ANTXR2: variants seen among roughly 807,000 people sequenced by gnomAD.
ANTXR2 encodes the protein anthrax toxin receptor 2.
A neutral mutation model predicts 73.7 loss-of-function variants in ANTXR2; 44 were observed. The ratio of observed to expected loss-of-function variants is 0.60; its 90% CI spans 0.47 to 0.77. The LOEUF (loss-of-function observed/expected upper bound fraction) is 0.77. ANTXR2 is among the 30% of genes least tolerant of loss of function. The probability of loss-of-function intolerance (pLI) is 0.00; values close to 1 mark genes in which losing one functional copy is unlikely to be tolerated. For synonymous variants in ANTXR2, 217 were observed against 205.9 expected (o/e 1.05, Z -0.46); for missense variants, 604 against 592.5 (o/e 1.02, Z -0.20).
intron 16 of ANTXR2, among the ~76,000 whole-genome samples, chr4:79,943,635 A>G (rs1173696787): frequency 1.1e-4 from 13 of 122,646 alleles, no homozygotes; most frequent in Non-Finnish European, 2.2e-4. Flanking sequence ...ACCTAATGCT[A>G]GATGACACAT....
intron 3 of ANTXR2, among the ~76,000 whole-genome samples, chr4:80,060,261 G>T (rs1342814612): frequency 6.6e-6 from 1 of 152,118 alleles, no homozygotes; most frequent in Non-Finnish European, 1.5e-5. Flanking sequence ...AGCTCTTCTG[G>T]ACTCTATTTG....
At chr4:79,981,111 A>G (rs1323715240) in intron 14 of ANTXR2, among the ~76,000 whole-genome samples, 2 of 152,170 alleles carry the variant, frequency 1.3e-5, no homozygotes, top group Non-Finnish European at 2.9e-5. Context: ...CATCCACTCC[A>G]GATTTCTTAA....
intron 7 of ANTXR2, among the ~76,000 whole-genome samples, chr4:80,041,460 TTTTTAA>T (rs977212290): frequency 3.3e-5 from 5 of 152,060 alleles, no homozygotes; most frequent in African/African-American, 1.2e-4. Context: ...TCAAAATTTT[TTTTTAA>T]TTTTAATTTT....
intron 12 of ANTXR2, among the ~76,000 whole-genome samples, chr4:80,001,707 G>A (rs1213080652): frequency 6.6e-6 from 1 of 150,920 alleles, no homozygotes; most frequent in Non-Finnish European, 1.5e-5. Context: ...GGTCACTCAG[G>A]ACTTGCTTTA....
chr4:80,064,820 A>T (rs1279320767), intron 3 of ANTXR2, among the ~76,000 whole-genome samples: 1 of 152,230 alleles, frequency 6.6e-6, no homozygotes, highest in Non-Finnish European at 1.5e-5. Flanking sequence ...ATGATGTTGC[A>T]GGAGAGGACT....
chr4:80,023,736 G>A (rs1228215157), intron 10 of ANTXR2, among the ~76,000 whole-genome samples: 1 of 152,126 alleles, frequency 6.6e-6, no homozygotes, highest in African/African-American at 2.4e-5. Flanking sequence ...CGACAGGGTG[G>A]AAGGCAAGAA....
chr4:79,913,783 A>G (rs931207895), intron 16 of ANTXR2, among the ~76,000 whole-genome samples: 4 of 152,142 alleles, frequency 2.6e-5, no homozygotes, highest in Non-Finnish European at 5.9e-5. Flanking sequence ...AAGGTGACTC[A>G]GAGGTCACTG....
At chr4:80,004,238 T>A (rs1344894726) in intron 12 of ANTXR2, among the ~76,000 whole-genome samples, 1 of 151,884 alleles carries the variant, frequency 6.6e-6, no homozygotes, top group East Asian at 1.9e-4. Context: ...AATAAAAAAA[T>A]AAAAAGTTCA....
At chr4:79,974,694 C>T (rs945324999) in intron 16 of ANTXR2, among the ~76,000 whole-genome samples, 1 of 150,178 alleles carries the variant, frequency 6.7e-6, no homozygotes, top group African/African-American at 2.4e-5. Flanking sequence ...CAGAAAAATC[C>T]TGAATTTTGA....
rs551244429 is a variant in ANTXR2, at chr4:80,004,096, G to A, written c.1041+4425C>T. On this transcript the variant is annotated intron_variant, in intron 12 of 16. Transcript: ENST00000403729. ...CAGCAGTAAAAACAGAGTGGACTAC[G>A]ACTACACACAGAAGCTTGGGTGGAT... Among the ~76,000 whole-genome samples, 94 of 151,368 alleles carry A rather than the reference G, an allele frequency of 6.2e-4. 1 individual carries two copies. The highest frequency in any genetic ancestry group is 2.1e-3 in the African/African-American group (86 of 41,266).
chr4:79,993,760 G>GCGCGCGCGCACACACACACACA lies in ANTXR2; in HGVS notation c.1042-8898_1042-8897insTGTGTGTGTGTGTGCGCGCGCG, dbSNP rs71662888. On this transcript the variant is annotated intron_variant, in intron 12 of 16. Coordinates refer to ENST00000403729, the MANE Select transcript of ANTXR2 (RefSeq NM_058172.6). ...GGCAATACACCACACACACACACACGCACACACACACACACACACACACAT... is the reference window on the plus strand; with the variant it reads ...GGCAATACACCACACACACACACACGCGCGCGCGCACACACACACACACACACACACACACACACACACACAT... 1.3e-3 allele frequency among the ~76,000 whole-genome samples: 179 copies of GCGCGCGCGCACACACACACACA among 140,766 alleles called. No individual in the cohort carries two copies. The South Asian group carries it at 0.033, about 26-fold the overall frequency. The allele number at this position is 140,766 out of a possible 152,430, so 92.3% of individuals were successfully genotyped here.
rs1726753773 is a variant in ANTXR2, at chr4:79,902,720, C to T, written c.*4709G>A. The T allele has an allele frequency of 9.1e-6, 1 of 109,822 alleles. No homozygotes were observed. The highest frequency in any genetic ancestry group is 2.1e-5 in the Non-Finnish European group (1 of 47,892). 6.8% of individuals were successfully genotyped at this position (109,822 alleles called of 1,614,324 possible). ...CTAATTATCAACATATACTATAGTT[C>T]AAGGTATTTTTTTTTTTTGCAACTG... On this transcript the variant is annotated 3_prime_UTR_variant, in exon 17 of 17. Transcript: ENST00000403729.
intron 3 of ANTXR2, among the ~76,000 whole-genome samples, chr4:80,058,900 T>G (rs1489983023): frequency 1.3e-5 from 2 of 152,114 alleles, no homozygotes; most frequent in African/African-American, 2.4e-5. Flanking sequence ...GATGCTGCTG[T>G]CATGACACGC....
chr4:79,984,529 A>T (rs1452553083), intron 13 of ANTXR2, among the ~76,000 whole-genome samples: 1 of 152,188 alleles, frequency 6.6e-6, no homozygotes. Context: ...TTTTGTCAAT[A>T]ACATAAGTGA....
At chr4:79,975,905 CA>C in intron 16 of ANTXR2, among the ~76,000 whole-genome samples, 1 of 142,958 alleles carries the variant, frequency 7.0e-6, no homozygotes, top group Non-Finnish European at 1.5e-5. Context: ...TAAATTTTCT[CA>C]AATTACACTT....
At chr4:79,963,027 G>T (rs1729204347) in intron 16 of ANTXR2, among the ~76,000 whole-genome samples, 1 of 152,086 alleles carries the variant, frequency 6.6e-6, no homozygotes, top group Non-Finnish European at 1.5e-5. Flanking sequence ...ACTGTGATGG[G>T]AACATAATGG....
chr4:79,953,940 T>C (rs1245568246), intron 16 of ANTXR2, among the ~76,000 whole-genome samples: 1 of 152,176 alleles, frequency 6.6e-6, no homozygotes, highest in East Asian at 1.9e-4. Context: ...TTTTCAATTT[T>C]ATTGTTAAAT....
Position 79,977,614 on chromosome 4 carries a change from T to G in ANTXR2, c.1428+7A>C. ...AGCTCTTTCTCAATACATTCCCATA[T>G]ACAAACCTCATCTCCTTCCTGAGGT... is the stretch of plus-strand genomic sequence containing the variant. On this transcript the variant is annotated splice_region_variant and intron_variant, in intron 16 of 16. Transcript: ENST00000403729. 1 of 1,568,984 alleles carries G rather than the reference T, an allele frequency of 6.4e-7. No individual in the cohort carries two copies. Among genetic ancestry groups the G allele is most frequent in the Non-Finnish European group, 8.7e-7 (1 of 1,155,842 alleles).
chr4:80,032,513 A>G, intron 9 of ANTXR2, among the ~76,000 whole-genome samples: 1 of 151,920 alleles, frequency 6.6e-6, no homozygotes, highest in Middle Eastern at 3.2e-3. Flanking sequence ...GGAATTAATT[A>G]TGACATTTAG....
Sources: gnomAD v4.1 joint callset for allele counts (sites outside exome capture counted in the v4.1 genomes callset) on GRCh38, gnomAD v4.1.1 for gene constraint, MANE v1.5 for transcripts, NCBI Gene and HGNC (gene_info 2026-07-23, HGNC 2026-07-21) for gene names.